Variants in PARD3B observed in about 807,000 individuals in gnomAD.
PARD3B encodes partitioning defective 3 homolog B.
A neutral mutation model predicts 130.2 loss-of-function variants in PARD3B; 103 were observed. That is an observed-to-expected ratio of 0.79 (90% CI 0.67 to 0.93). The LOEUF (loss-of-function observed/expected upper bound fraction) is 0.93, where lower values mean the gene tolerates loss of function less well. PARD3B is among the 40% of genes least tolerant of loss of function. The pLI is 0.00. For synonymous variants in PARD3B, 583 were observed against 553.2 expected (o/e 1.05, Z -0.76); for missense variants, 1,609 against 1,499.2 (o/e 1.07, Z -1.21).
In PARD3B at chr2:204,689,767, T is replaced by G. The variant is rs1028230101; in HGVS notation, c.222+3485T>G. ...AGTAACTTGCCCAAGATCACACAGG[T>G]AGTAAATGGCACAATCAGACTCTGG... On this transcript the variant is annotated intron_variant, in intron 2 of 22. Transcript: ENST00000406610. This position sits in a 1 kb window ranked among gnomAD's most constrained non-coding sequence, Gnocchi z 5.2. 5.3e-5 allele frequency among the ~76,000 whole-genome samples: 8 copies of G among 152,140 alleles called. No homozygotes were observed. The highest frequency in any genetic ancestry group is 5.2e-4 in the Admixed American group (8 of 15,258).
intron 10 of PARD3B, among the ~76,000 whole-genome samples, chr2:205,150,949 CATT>C (rs61218288): frequency 0.3 from 45,166 of 151,838 alleles, 7,366 homozygotes; most frequent in Middle Eastern, 0.48. Context: ...TAGTTAATAA[CATT>C]GTAGTTTATA....
At chr2:204,952,320 C>G (rs1404473178) in intron 2 of PARD3B, among the ~76,000 whole-genome samples, 1 of 151,928 alleles carries the variant, frequency 6.6e-6, no homozygotes, top group Non-Finnish European at 1.5e-5. Flanking sequence ...ACCAAAGGCC[C>G]ATCAATCAAA....
chr2:205,605,787 C>T lies in PARD3B; in HGVS notation c.3261-9669C>T, dbSNP rs906931703. ...GCTGCCCCTTGGCGAAGGGAGTGTGCTGCACTGGGAGGAATCCCACTTGTC... is the reference window on the plus strand; with the variant it reads ...GCTGCCCCTTGGCGAAGGGAGTGTGTTGCACTGGGAGGAATCCCACTTGTC... On this transcript the variant is annotated intron_variant, in intron 22 of 22. Coordinates refer to ENST00000406610, the MANE Select transcript of PARD3B (RefSeq NM_001302769.2). 1.6e-4 allele frequency among the ~76,000 whole-genome samples: 24 copies of T among 152,346 alleles called. 1 individual carries two copies. Among genetic ancestry groups the T allele is most frequent in the Admixed American group, 1.4e-3 (21 of 15,300 alleles).
chr2:204,905,748 A>G (rs1446183727), intron 2 of PARD3B, among the ~76,000 whole-genome samples: 1 of 152,218 alleles, frequency 6.6e-6, no homozygotes, highest in Non-Finnish European at 1.5e-5. Context: ...AGATTTTACT[A>G]GGCAGCTGCC....
intron 2 of PARD3B, among the ~76,000 whole-genome samples, chr2:204,861,924 CAAAAAAAAAAAAAAAA>C (rs60473341): frequency 5.9e-5 from 2 of 34,068 alleles, no homozygotes; most frequent in African/African-American, 1.8e-4. Context: ...AGACATTTCT[CAAAAAAAAAAAAAAAA>C]AAAAAAAAAA....
chr2:205,433,188 A>G (rs2047395794), intron 19 of PARD3B, among the ~76,000 whole-genome samples: 1 of 152,230 alleles, frequency 6.6e-6, no homozygotes, highest in Non-Finnish European at 1.5e-5. Context: ...TATAAAAGGT[A>G]TAAGTAGTAT....
chr2:205,434,348 G>T (rs376452262), intron 19 of PARD3B, among the ~76,000 whole-genome samples: 3 of 151,966 alleles, frequency 2.0e-5, no homozygotes, highest in East Asian at 3.9e-4. Flanking sequence ...ACTATTTTTT[G>T]CTAGTATATA....
At chr2:204,706,490 T>C (rs2038166862) in intron 2 of PARD3B, among the ~76,000 whole-genome samples, 1 of 152,060 alleles carries the variant, frequency 6.6e-6, no homozygotes, top group Non-Finnish European at 1.5e-5. Context: ...AGAAGAAGAC[T>C]CCAGAAAATT....
At chr2:204,555,894 A>G (rs570007739) in intron 1 of PARD3B, among the ~76,000 whole-genome samples, 128 of 152,296 alleles carry the variant, frequency 8.4e-4, no homozygotes, top group African/African-American at 2.9e-3. Flanking sequence ...ATTTATGATT[A>G]TAACCTTCTG....
chr2:205,333,868 G>A (rs938655886), intron 18 of PARD3B, among the ~76,000 whole-genome samples: 1 of 151,792 alleles, frequency 6.6e-6, no homozygotes, highest in Non-Finnish European at 1.5e-5. Context: ...GTTCATCAAA[G>A]GTATATTTGT....
intron 10 of PARD3B, among the ~76,000 whole-genome samples, chr2:205,141,120 G>T (rs1233870797): frequency 6.6e-6 from 1 of 152,060 alleles, no homozygotes; most frequent in African/African-American, 2.4e-5. Context: ...TATGAGTTTG[G>T]TTCTTCTTTC....
Position 204,623,742 on chromosome 2 carries a change from A to G in PARD3B, c.121-62439A>G, listed in dbSNP as rs1376119428. 6.6e-6 allele frequency among the ~76,000 whole-genome samples: 1 copy of G among 152,182 alleles called. No individual in the cohort carries two copies. The highest frequency in any genetic ancestry group is 1.5e-5 in the Non-Finnish European group (1 of 68,036). The stretch of plus-strand genomic sequence containing the variant: ...ATTAACTATTGGCATAATGCTCCAC[A>G]GCAGGTCTCTAGAACTGAATTATGT... On this transcript the variant is annotated intron_variant, in intron 1 of 22. Coordinates refer to ENST00000406610, the MANE Select transcript of PARD3B (RefSeq NM_001302769.2). The surrounding 1 kb of genome is among the most constrained non-coding windows in gnomAD (Gnocchi z 4.5).
At chr2:204,946,390 A>ATTTTGC (rs77555910) in intron 2 of PARD3B, among the ~76,000 whole-genome samples, 1,571 of 152,228 alleles carry the variant, frequency 0.01, 18 homozygotes, top group Non-Finnish European at 0.017. Flanking sequence ...TCTGCTTTTA[A>ATTTTGC]TTTTGCTCTG....
chr2:204,904,502 C>T (rs2046977000), intron 2 of PARD3B, among the ~76,000 whole-genome samples: 1 of 152,004 alleles, frequency 6.6e-6, no homozygotes, highest in Admixed American at 6.6e-5. Flanking sequence ...CATCGTCTAC[C>T]CTTCTATTTT....
intron 19 of PARD3B, among the ~76,000 whole-genome samples, chr2:205,422,156 A>G (rs1041211677): frequency 1.5e-4 from 23 of 152,332 alleles, no homozygotes; most frequent in African/African-American, 5.3e-4. Context: ...CCAAGATTCA[A>G]TCTCAGCGAT....
chr2:205,576,291 T>C (rs1016668463), intron 22 of PARD3B, among the ~76,000 whole-genome samples: 3 of 151,824 alleles, frequency 2.0e-5, no homozygotes, highest in African/African-American at 7.2e-5. Flanking sequence ...GATGTGTCTT[T>C]TGCAAATATT....
intron 2 of PARD3B, among the ~76,000 whole-genome samples, chr2:204,687,602 A>G (rs2037149879): frequency 6.6e-6 from 1 of 152,196 alleles, no homozygotes; most frequent in Non-Finnish European, 1.5e-5. Flanking sequence ...TGTAATTTTG[A>G]TATATACTTC....
intron 5 of PARD3B, among the ~76,000 whole-genome samples, chr2:205,110,638 T>G (rs1317118361): frequency 1.3e-4 from 17 of 126,554 alleles, no homozygotes; most frequent in South Asian, 1.3e-3. Context: ...TTTTTTGTTT[T>G]TTGTTTTTTT....
At chr2:205,014,149 A>G (rs535593648) in intron 3 of PARD3B, among the ~76,000 whole-genome samples, 3 of 152,348 alleles carry the variant, frequency 2.0e-5, no homozygotes, top group Non-Finnish European at 2.9e-5. Context: ...GAGTAGAACC[A>G]TGTATTCAAT....
Sources: allele counts gnomAD v4.1 joint callset (sites outside exome capture counted in the v4.1 genomes callset), GRCh38; gene constraint gnomAD v4.1.1; non-coding constraint Gnocchi (gnomAD v3.1); transcripts MANE v1.5; gene names NCBI Gene and HGNC (gene_info 2026-07-23, HGNC 2026-07-21).